Variants in MDM4 observed in about 807,000 individuals in gnomAD.
The protein encoded by MDM4 is MDM4 regulator of p53.
Under a neutral mutation model 60.2 loss-of-function variants are expected in MDM4, and 2 were observed. The ratio of observed to expected loss-of-function variants is 0.03; its 90% CI spans 0.01 to 0.10. The LOEUF is 0.10. MDM4 is among the 10% of genes least tolerant of loss of function. The pLI, the probability that MDM4 is intolerant of heterozygous loss-of-function variation, is 1.00. For missense variants in MDM4, 447 were observed against 577.5 expected, an observed-to-expected ratio of 0.77 and a Z score of 2.32; for synonymous variants, 202 against 198.1, an observed-to-expected ratio of 1.02 and a Z score of -0.17.
rs1448864461 is a variant in MDM4, at chr1:204,553,869, G to A, written c.*4187G>A. Reference sequence around the variant, plus strand: ...TATGCCATTTCCCCAGTCTACCAATGGAATAGTATGGGTTTCTAATCCTAG... The same window carrying A: ...TATGCCATTTCCCCAGTCTACCAATAGAATAGTATGGGTTTCTAATCCTAG... On this transcript the variant is annotated 3_prime_UTR_variant, in exon 11 of 11. Transcript: ENST00000367182. 1.8e-5 allele frequency: 4 copies of A among 221,504 alleles called. No individual in the cohort carries two copies. Among genetic ancestry groups the A allele is most frequent in the African/African-American group, 8.9e-5 (4 of 44,714 alleles). The allele number at this position is 221,504 out of a possible 1,614,324, so 13.7% of individuals were successfully genotyped here.
rs759774799 is a variant in MDM4 at position 204,525,497 on chromosome 1, C to T, written c.-22C>T. 71 of 1,587,980 alleles carry T rather than the reference C, an allele frequency of 4.5e-5. No homozygotes were observed. Among genetic ancestry groups the T allele is most frequent in the Non-Finnish European group, 3.4e-6 (4 of 1,173,224 alleles). ...TTTTCTATTTAGTTTTACCAACAGACTGCAGTTTCTTCACTACCAAAATGA... is the reference window on the plus strand; with the variant it reads ...TTTTCTATTTAGTTTTACCAACAGATTGCAGTTTCTTCACTACCAAAATGA... On this transcript the variant is annotated 5_prime_UTR_variant, in exon 2 of 11. Transcript: ENST00000367182.
intron 5 of MDM4, among the ~76,000 whole-genome samples, chr1:204,534,799 A>G (rs910333196): frequency 2.6e-5 from 4 of 151,914 alleles, no homozygotes; most frequent in African/African-American, 9.7e-5. Context: ...GCCCATTTTT[A>G]TTTTTTAACT....
intron 10 of MDM4, among the ~76,000 whole-genome samples, chr1:204,547,470 T>G (rs947520465): frequency 4.6e-5 from 7 of 152,178 alleles, no homozygotes; most frequent in African/African-American, 1.4e-4. Flanking sequence ...TTTCTTTTAG[T>G]CTTGCCACAG....
At chr1:204,532,536 ACATT>A in intron 5 of MDM4, 1 of 554,562 alleles carries the variant, frequency 1.8e-6, no homozygotes, top group Non-Finnish European at 3.1e-6. Flanking sequence ...TTTTCTCCAA[ACATT>A]CAATATCATT....
At chr1:204,528,506 G>A (rs920130216) in intron 3 of MDM4, among the ~76,000 whole-genome samples, 2 of 152,194 alleles carry the variant, frequency 1.3e-5, no homozygotes, top group East Asian at 3.8e-4. Context: ...TGGCATCAGG[G>A]TGGAGCTCAG....
intron 7 of MDM4, among the ~76,000 whole-genome samples, chr1:204,539,160 C>CAG (rs1382539252): frequency 6.6e-6 from 1 of 152,208 alleles, no homozygotes; most frequent in Middle Eastern, 3.4e-3. Context: ...CATGCCACTA[C>CAG]GCCTGGCTAA....
At position 204,542,989 on chromosome 1, in the gene MDM4, G is replaced by A. The variant is rs1384528594; in HGVS notation, c.672+45G>A. 4 of 1,503,180 alleles carry A rather than the reference G, an allele frequency of 2.7e-6. No individual in the cohort carries two copies. The South Asian group carries it at 4.7e-5, about 18-fold the overall frequency. The allele number at this position is 1,503,180 out of a possible 1,614,324, so 93.1% of individuals were successfully genotyped here. A position where few individuals can be genotyped will look rare whatever the true frequency, so the allele number is the denominator to read the frequency against. ...GGAAGTGGTTTTTTTTCTTTTGAAA[G>A]GGTAACATTCTTGGTTACTCTTGAC... is the stretch of plus-strand genomic sequence containing the variant. On this transcript the variant is annotated intron_variant, in intron 8 of 10. Transcript: ENST00000367182.
intron 1 of MDM4, among the ~76,000 whole-genome samples, chr1:204,520,875 C>G (rs1385107439): frequency 6.6e-6 from 1 of 151,646 alleles, no homozygotes; most frequent in Middle Eastern, 3.2e-3. Flanking sequence ...TACCCTGTCT[C>G]AAAAAAATTA....
intron 2 of MDM4, 126 bp downstream of exon 2, chr1:204,525,722 A>G (rs1173132152): frequency 3.1e-6 from 2 of 645,442 alleles, no homozygotes; most frequent in African/African-American, 1.9e-5. Context: ...ACTTGAAGCC[A>G]GGTGTTTGAG....
At chr1:204,534,089 A>T (rs1351201000) in intron 5 of MDM4, among the ~76,000 whole-genome samples, 1 of 152,106 alleles carries the variant, frequency 6.6e-6, no homozygotes, top group African/African-American at 2.4e-5. Context: ...CCCAGACCTA[A>T]ATCAATTACT....
At position 204,543,145 on chromosome 1, in the gene MDM4, G is replaced by A. The variant is rs1474211311; in HGVS notation, c.672+201G>A. ...AAATGCCCAACTTCAGTTTCCAGAT[G>A]CCTATTTAACTAACAACTCTACTTA... On this transcript the variant is annotated intron_variant, in intron 8 of 10. Transcript: ENST00000367182. Among the ~76,000 whole-genome samples, 3 of 152,066 alleles carry A rather than the reference G, an allele frequency of 2.0e-5. No homozygotes were observed. The East Asian group carries it at 5.8e-4, about 29-fold the overall frequency.
chr1:204,525,305 G>A (rs1174261168), intron 1 of MDM4, 179 bp from the exon 2 acceptor site: 2 of 984,166 alleles, frequency 2.0e-6, no homozygotes, highest in Non-Finnish European at 2.4e-6. Flanking sequence ...AATTAAATCA[G>A]AACTAGAAAG....
At chr1:204,518,919 C>T (rs1411014458) in intron 1 of MDM4, among the ~76,000 whole-genome samples, 2 of 152,172 alleles carry the variant, frequency 1.3e-5, no homozygotes, top group African/African-American at 4.8e-5. Context: ...GCCTTGGCCT[C>T]CCAAAGTGCT....
At position 204,532,760 on chromosome 1, in the gene MDM4, G is replaced by T. The variant is rs373674668; in HGVS notation, c.343+514G>T. Reference sequence around the variant, plus strand: ...TTCCTTTTGTTTTCATGTCATTTACGTGTTGAAGAAATGGGTCATTTGTTC... The same window carrying T: ...TTCCTTTTGTTTTCATGTCATTTACTTGTTGAAGAAATGGGTCATTTGTTC... On this transcript the variant is annotated intron_variant, in intron 5 of 10. Transcript: ENST00000367182. The T allele has an allele frequency of 8.7e-6, 14 of 1,608,776 alleles. 1 individual carries two copies. Among genetic ancestry groups the T allele is most frequent in the South Asian group, 1.1e-5 (1 of 89,920 alleles).
Position 204,554,166 on chromosome 1 carries a change from T to C in MDM4, c.*4484T>C, listed in dbSNP as rs1160485500. 8.8e-6 allele frequency: 2 copies of C among 227,776 alleles called. No individual in the cohort carries two copies. Among genetic ancestry groups the C allele is most frequent in the African/African-American group, 4.4e-5 (2 of 44,958 alleles). 14.1% of individuals were successfully genotyped at this position (227,776 alleles called of 1,614,324 possible). A position where few individuals can be genotyped will look rare whatever the true frequency, so the allele number is the denominator to read the frequency against. On this transcript the variant is annotated 3_prime_UTR_variant, in exon 11 of 11. Transcript: ENST00000367182. Reference sequence around the variant, plus strand: ...GAAGTCTTTGATATATTGGTGAATATTCTTCTGATCTATAATACAAAGCTA... The same window carrying C: ...GAAGTCTTTGATATATTGGTGAATACTCTTCTGATCTATAATACAAAGCTA...
Position 204,519,169 on chromosome 1 carries a change from A to T in MDM4, c.-36+2660A>T, listed in dbSNP as rs181396671. Among the ~76,000 whole-genome samples the T allele has an allele frequency of 9.2e-5, 14 of 152,308 alleles. No individual in the cohort carries two copies. In the East Asian group the frequency reaches 2.3e-3, roughly 25 times the overall value. ...ATAAGAGTGAAAATGTGCTGAGGGG[A>T]TAGACCACGTGTTTATCTTTACAGC... On this transcript the variant is annotated intron_variant, in intron 1 of 10. Coordinates refer to ENST00000367182, the MANE Select transcript of MDM4 (RefSeq NM_002393.5).
chr1:204,546,993 T>G, intron 10 of MDM4, 116 bp downstream of exon 10: 4 of 560,582 alleles, frequency 7.1e-6, no homozygotes, highest in Non-Finnish European at 1.3e-5. Context: ...CTCCCTTGCC[T>G]AGTTGCTAAG....
intron 4 of MDM4, among the ~76,000 whole-genome samples, chr1:204,531,757 G>A (rs1006692926): frequency 6.6e-6 from 1 of 152,034 alleles, no homozygotes; most frequent in African/African-American, 2.4e-5. Flanking sequence ...GCCTGAGTCC[G>A]GGAGGCAGAG....
intron 1 of MDM4, among the ~76,000 whole-genome samples, chr1:204,517,598 C>T (rs1487474467): frequency 6.6e-6 from 1 of 151,976 alleles, no homozygotes; most frequent in Non-Finnish European, 1.5e-5. Context: ...GATGAGGTTT[C>T]ACCAGGTTGG....
Sources: gnomAD v4.1 joint callset for allele counts (sites outside exome capture counted in the v4.1 genomes callset) on GRCh38, gnomAD v4.1.1 for gene constraint, MANE v1.5 for transcripts, NCBI Gene and HGNC (gene_info 2026-07-23, HGNC 2026-07-21) for gene names.